Variants in MYLK observed in about 807,000 individuals in gnomAD.
MYLK encodes the protein myosin light chain kinase, smooth muscle.
MYLK carries 106 observed loss-of-function variants against 203.4 expected under a neutral mutation model. The ratio of observed to expected loss-of-function variants is 0.52; its 90% CI spans 0.45 to 0.61. The LOEUF (loss-of-function observed/expected upper bound fraction) is 0.61, where lower values mean the gene tolerates loss of function less well. MYLK is among the 20% of genes least tolerant of loss of function. The pLI, the probability that MYLK is intolerant of heterozygous loss-of-function variation, is 0.00. For missense variants in MYLK, 2,072 were observed against 2,442.3 expected, an observed-to-expected ratio of 0.85 and a Z score of 3.20; for synonymous variants, 867 against 959.5, an observed-to-expected ratio of 0.90 and a Z score of 1.78.
At chr3:123,831,913 C>T (rs777773021) in intron 2 of MYLK, among the ~76,000 whole-genome samples, 5 of 152,196 alleles carry the variant, frequency 3.3e-5, no homozygotes, top group Non-Finnish European at 7.3e-5. Flanking sequence ...AGGACAGACG[C>T]AGAACCATGA....
In MYLK at chr3:123,863,742, T is replaced by C. The variant is rs113384807; in HGVS notation, c.-127+12817A>G. On this transcript the variant is annotated intron_variant, in intron 2 of 33. Coordinates refer to ENST00000360304, the MANE Select transcript of MYLK (RefSeq NM_053025.4). Reference sequence around the variant, plus strand: ...ATGACGATGTGAAGCAACTAGATTCTGATACATTGGAAATATAGGTGTATA... The same window carrying C: ...ATGACGATGTGAAGCAACTAGATTCCGATACATTGGAAATATAGGTGTATA... Among the ~76,000 whole-genome samples, 437 of 152,268 alleles carry C rather than the reference T, an allele frequency of 2.9e-3. 1 individual carries two copies. The highest frequency in any genetic ancestry group is 0.01 in the African/African-American group (421 of 41,556).
intron 3 of MYLK, chr3:123,814,153 C>T: frequency 2.7e-6 from 1 of 367,072 alleles, no homozygotes; most frequent in Non-Finnish European, 5.5e-6. Context: ...AACACTGACT[C>T]ATGGGCCCTG....
At chr3:123,708,131 C>T (rs2061534801) in intron 15 of MYLK, 128 bp from the exon 16 acceptor site, 2 of 1,348,318 alleles carry the variant, frequency 1.5e-6, no homozygotes, top group Non-Finnish European at 2.1e-6. Context: ...CCAGAAATCA[C>T]TGTGATTGGA....
chr3:123,784,380 T>C (rs953994023), intron 4 of MYLK, among the ~76,000 whole-genome samples: 2 of 146,410 alleles, frequency 1.4e-5, no homozygotes, highest in African/African-American at 2.5e-5. Flanking sequence ...GACTTTCTTT[T>C]TTTTTTTTTT....
At chr3:123,708,930 G>C in intron 14 of MYLK, 35 bp from the exon 15 acceptor site, 1 of 1,596,636 alleles carries the variant, frequency 6.3e-7, no homozygotes, top group Non-Finnish European at 8.6e-7. Flanking sequence ...GATTGGTTAG[G>C]GAGGTCCTCC....
In MYLK at chr3:123,708,698, C is replaced by CT; in HGVS notation, c.2139dup (p.Glu714ArgfsTer13). 6.2e-7 allele frequency: 1 copy of CT among 1,614,076 alleles called. No individual in the cohort carries two copies. Among genetic ancestry groups the CT allele is most frequent in the Non-Finnish European group, 8.5e-7 (1 of 1,180,030 alleles). On this transcript the variant is annotated frameshift_variant and splice_region_variant, in exon 15 of 34. Coordinates refer to ENST00000360304, the MANE Select transcript of MYLK (RefSeq NM_053025.4). LOFTEE classifies it high-confidence loss of function. ...CTCGCTCTGAGTGGGTCAGCCTCAC[C>CT]TTGTACCGTGAGCACGGCCTGGGTG...
intron 24 of MYLK, among the ~76,000 whole-genome samples, chr3:123,651,308 A>T (rs971135205): frequency 6.6e-6 from 1 of 152,228 alleles, no homozygotes; most frequent in African/African-American, 2.4e-5. Flanking sequence ...AAGTACCACT[A>T]GAATAATAAG....
chr3:123,752,215 T>C, intron 5 of MYLK, 116 bp downstream of exon 5: 1 of 1,075,544 alleles, frequency 9.3e-7, no homozygotes, highest in Non-Finnish European at 1.4e-6. Flanking sequence ...AAGGATGGGG[T>C]GTGTTTTCTC....
At chr3:123,793,213 G>A (rs2064851076) in intron 4 of MYLK, among the ~76,000 whole-genome samples, 2 of 152,158 alleles carry the variant, frequency 1.3e-5, no homozygotes, top group African/African-American at 4.8e-5. Context: ...GAAGTGAAAT[G>A]AGAGGTCCTA....
At position 123,733,052 on chromosome 3, in the gene MYLK, C is replaced by T. The variant is rs746226982; in HGVS notation, c.1360G>A (p.Val454Met). 40 of 1,614,092 alleles carry T rather than the reference C, an allele frequency of 2.5e-5. No homozygotes were observed. The highest frequency in any genetic ancestry group is 8.0e-5 in the African/African-American group (6 of 75,050). Residue 454 changes from valine (V) to methionine (M), a missense_variant, in exon 11 of 34, where the codon GTG becomes ATG. Physicochemically the swap from Val to Met is conservative, Grantham distance 21. Around this residue, in one of 3 missense-constraint regions of MYLK, gnomAD observed 683 missense variants for 643.8 expected, o/e 1.06. Coordinates refer to ENST00000360304, the MANE Select transcript of MYLK (RefSeq NM_053025.4). Reference protein sequence around the residue: ...EVAWFLEGTPVRRQEGSIEVY... With the variant: ...EVAWFLEGTPMRRQEGSIEVY... ...TCAATGCTGCCTTCCTGTCTCCTCACGGGGGTGCCTTCCAGGAACCAGGCC... is the reference window on the plus strand; with the variant it reads ...TCAATGCTGCCTTCCTGTCTCCTCATGGGGGTGCCTTCCAGGAACCAGGCC...
intron 5 of MYLK, among the ~76,000 whole-genome samples, chr3:123,751,888 T>C (rs1483716111): frequency 2.6e-5 from 4 of 152,114 alleles, no homozygotes; most frequent in African/African-American, 4.8e-5. Context: ...GAAGGGCTCT[T>C]CTTTTACAGA....
chr3:123,702,904 G>A (rs2061303326), intron 16 of MYLK, among the ~76,000 whole-genome samples: 2 of 152,142 alleles, frequency 1.3e-5, no homozygotes, highest in African/African-American at 4.8e-5. Context: ...GAGGGGTTGG[G>A]ACCTGTGACC....
intron 4 of MYLK, among the ~76,000 whole-genome samples, chr3:123,765,347 A>G (rs1238268811): frequency 6.6e-6 from 1 of 152,130 alleles, no homozygotes. Flanking sequence ...CCTGGCCAAC[A>G]TGGTGAAACC....
chr3:123,854,826 T>C (rs1166316490), intron 2 of MYLK, among the ~76,000 whole-genome samples: 3 of 152,214 alleles, frequency 2.0e-5, no homozygotes, highest in Non-Finnish European at 4.4e-5. Flanking sequence ...TTTGTATTTA[T>C]ATTCTTGGTC....
intron 2 of MYLK, among the ~76,000 whole-genome samples, chr3:123,866,521 T>C (rs951459807): frequency 6.6e-6 from 1 of 152,088 alleles, no homozygotes; most frequent in African/African-American, 2.4e-5. Context: ...ATACATAAAA[T>C]GTAAACCATG....
chr3:123,875,148 A>G (rs1357619098), intron 2 of MYLK, among the ~76,000 whole-genome samples: 1 of 152,200 alleles, frequency 6.6e-6, no homozygotes, highest in Non-Finnish European at 1.5e-5. Context: ...ATCTATGTTC[A>G]CCTAAAAATC....
At chr3:123,758,236 C>G (rs987334097) in intron 4 of MYLK, among the ~76,000 whole-genome samples, 15 of 152,286 alleles carry the variant, frequency 9.8e-5, no homozygotes, top group African/African-American at 3.6e-4. Flanking sequence ...CATAAGCAGG[C>G]AGGCACTTAA....
intron 19 of MYLK, among the ~76,000 whole-genome samples, 197 bp from the exon 20 acceptor site, chr3:123,682,507 A>C (rs2060304390): frequency 6.6e-6 from 1 of 152,118 alleles, no homozygotes; most frequent in Non-Finnish European, 1.5e-5. Flanking sequence ...ACCGTCCACT[A>C]CCCTGGGCCT....
rs1196666594 is a variant in MYLK, at chr3:123,657,163, C to G, written c.4251G>C (p.Gln1417His). 7 of 1,614,088 alleles carry G rather than the reference C, an allele frequency of 4.3e-6. No homozygotes were observed. The African/African-American group carries it at 9.3e-5, about 22-fold the overall frequency. ...CTCCTACCGTTGTGAGTTCAGACTC[C>G]TGGCTTGGCTCACTGGTTCCATACA... ...INVYGTSEPSQESELTTVGEK... is the reference protein window; with the variant it reads ...INVYGTSEPSHESELTTVGEK... The change falls in exon 24 of 34, where the codon CAG becomes CAC. Residue 1417 changes from glutamine to histidine, a missense_variant. Physicochemically the swap from Gln to His is conservative, Grantham distance 24. Transcript: ENST00000360304.
Sources: allele counts gnomAD v4.1 joint callset (sites outside exome capture counted in the v4.1 genomes callset), GRCh38; gene constraint gnomAD v4.1.1; regional missense constraint gnomAD v4.1.1; transcripts MANE v1.5; gene names NCBI Gene and HGNC (gene_info 2026-07-23, HGNC 2026-07-21).